The following GSE1 variants were observed in gnomAD, a reference collection of about 807,000 sequenced individuals.
GSE1 encodes the protein Gse1 coiled-coil protein.
Under a neutral mutation model 112.6 loss-of-function variants are expected in GSE1, and 32 were observed. The ratio of observed to expected loss-of-function variants is 0.28; its 90% CI spans 0.21 to 0.38. The LOEUF (loss-of-function observed/expected upper bound fraction) is 0.38, where lower values mean the gene tolerates loss of function less well. Among genes scored for constraint, GSE1 ranks in the 10% least tolerant of loss-of-function variants. GSE1 has a pLI of 1.00. For synonymous variants in GSE1, 1,115 were observed against 735.6 expected (o/e 1.52, Z -8.35); for missense variants, 2,348 against 1,699.2 (o/e 1.38, Z -6.71).
At chr16:85,619,253 A>G (rs996980363) in intron 1 of GSE1, among the ~76,000 whole-genome samples, 1 of 152,192 alleles carries the variant, frequency 6.6e-6, no homozygotes, top group Non-Finnish European at 1.5e-5. Context: ...TCCCTCCCCC[A>G]GCCCTGCCCT....
intron 1 of GSE1, among the ~76,000 whole-genome samples, chr16:85,256,660 C>A (rs889472676): frequency 6.6e-6 from 1 of 152,250 alleles, no homozygotes; most frequent in African/African-American, 2.4e-5. Flanking sequence ...CTGAACACAC[C>A]CACCAGCTCA....
Position 85,634,596 on chromosome 16 carries a change from C to G in GSE1, c.226+464C>G, listed in dbSNP as rs146744937. Among the ~76,000 whole-genome samples, 881 of 152,246 alleles carry G rather than the reference C, an allele frequency of 5.8e-3. 17 individuals carry two copies. Among genetic ancestry groups the G allele is most frequent in the African/African-American group, 0.02 (840 of 41,542 alleles). On this transcript the variant is annotated intron_variant, in intron 2 of 15. Transcript: ENST00000253458. ...ACACAGTGGTCTGGAGCGGGGGTCT[C>G]TGGCACAGCTGAACCCACCACTGCT...
At chr16:85,475,637 A>G (rs2050428642) in intron 2 of GSE1, among the ~76,000 whole-genome samples, 1 of 152,156 alleles carries the variant, frequency 6.6e-6, no homozygotes, top group African/African-American at 2.4e-5. Context: ...AAATCTAGTG[A>G]CAGGGCCTCT....
chr16:85,579,176 T>C (rs2046349371), intron 1 of GSE1, among the ~76,000 whole-genome samples: 1 of 151,598 alleles, frequency 6.6e-6, no homozygotes, highest in Non-Finnish European at 1.5e-5. Flanking sequence ...GGAACCCGAG[T>C]GGTTTAGGAG....
chr16:85,360,083 G>A (rs1345884454), intron 2 of GSE1, among the ~76,000 whole-genome samples: 1 of 151,864 alleles, frequency 6.6e-6, no homozygotes, highest in Middle Eastern at 3.2e-3. Flanking sequence ...TCAATTCAGG[G>A]GTTTTCAGAG....
Position 85,268,781 on chromosome 16 carries a change from A to G in GSE1, c.2284-88682A>G, listed in dbSNP as rs1908524449. 2.6e-5 allele frequency among the ~76,000 whole-genome samples: 4 copies of G among 152,320 alleles called. No homozygotes were observed. In the South Asian group the frequency reaches 8.3e-4, roughly 32 times the overall value. ...GGGGGCATTGGTTCCCTCTGTGCCC[A>G]GCCTCCTGGGTAAGAACCTGTGAGC... On this transcript the variant is annotated intron_variant, in intron 1 of 2. Transcript: ENST00000637419.
intron 14 of GSE1, 45 bp from the exon 15 acceptor site, chr16:85,670,950 G>C: frequency 1.6e-6 from 2 of 1,236,398 alleles, no homozygotes; most frequent in Non-Finnish European, 2.4e-6. Flanking sequence ...CGGGCCTTCG[G>C]GCTCCTGCAT....
chr16:85,553,808 C>T (rs901237117), upstream of GSE1, among the ~76,000 whole-genome samples: 5 of 152,196 alleles, frequency 3.3e-5, no homozygotes, highest in Non-Finnish European at 7.3e-5. Flanking sequence ...CTCCAATTTG[C>T]CCTCCGTAGC....
chr16:85,359,695 T>C lies in GSE1; in HGVS notation c.2464+2052T>C, dbSNP rs116826510. Among the ~76,000 whole-genome samples, 618 of 152,300 alleles carry C rather than the reference T, an allele frequency of 4.1e-3. 3 individuals carry two copies. Among genetic ancestry groups the C allele is most frequent in the African/African-American group, 0.014 (596 of 41,572 alleles). ...ACAGTGTCCTGCAGGCCAGAGAGGC[T>C]GAGCAATCTGCCTCCACTCACACAG... On this transcript the variant is annotated intron_variant, in intron 2 of 2. Transcript: ENST00000637419.
At chr16:85,350,907 G>C (rs376535567) in intron 1 of GSE1, among the ~76,000 whole-genome samples, 1 of 152,202 alleles carries the variant, frequency 6.6e-6, no homozygotes, top group Admixed American at 6.5e-5. Flanking sequence ...AGCCTCCCGA[G>C]TAGCTGGGAT....
chr16:85,332,677 G>C (rs2046400790), intron 1 of GSE1, among the ~76,000 whole-genome samples: 2 of 152,154 alleles, frequency 1.3e-5, no homozygotes, highest in Non-Finnish European at 2.9e-5. Context: ...GAGGGGACTG[G>C]ATGGTGTGAT....
chr16:85,553,002 GA>G (rs1375268423), upstream of GSE1, among the ~76,000 whole-genome samples: 1 of 152,152 alleles, frequency 6.6e-6, no homozygotes, highest in Non-Finnish European at 1.5e-5. Context: ...ACCAATATAA[GA>G]ATGACAACAG....
chr16:85,637,466 C>G (rs1365838463), intron 2 of GSE1, among the ~76,000 whole-genome samples: 2 of 152,008 alleles, frequency 1.3e-5, no homozygotes, highest in East Asian at 3.9e-4. Context: ...TGGCTGTGCC[C>G]CCTTGATTGC....
intron 1 of GSE1, among the ~76,000 whole-genome samples, chr16:85,620,338 G>A (rs1177368292): frequency 6.6e-6 from 1 of 152,230 alleles, no homozygotes; most frequent in African/African-American, 2.4e-5. Context: ...GTCTCGGGAT[G>A]TGAGTGGATT....
intron 1 of GSE1, among the ~76,000 whole-genome samples, chr16:85,240,422 C>T (rs1178663575): frequency 6.6e-6 from 1 of 152,252 alleles, no homozygotes; most frequent in African/African-American, 2.4e-5. Flanking sequence ...GGAGTGTCAG[C>T]ATCCGGCACT....
At chr16:85,436,876 G>A (rs897727788) in intron 2 of GSE1, among the ~76,000 whole-genome samples, 7 of 152,218 alleles carry the variant, frequency 4.6e-5, no homozygotes, top group African/African-American at 1.7e-4. Flanking sequence ...CCCACGCAGT[G>A]GGCGGCCCGG....
intron 1 of GSE1, among the ~76,000 whole-genome samples, chr16:85,586,628 C>T (rs545223229): frequency 5.9e-5 from 9 of 152,344 alleles, no homozygotes; most frequent in East Asian, 1.9e-4. Context: ...ACGGGCCCGA[C>T]GCCGGCCCCC....
At chr16:85,284,476 C>T (rs569827462) in intron 1 of GSE1, among the ~76,000 whole-genome samples, 21 of 152,202 alleles carry the variant, frequency 1.4e-4, no homozygotes, top group African/African-American at 1.7e-4. Flanking sequence ...GAGCTCCAAG[C>T]GGCACAAACT....
chr16:85,544,650 T>A (rs1025787516), intron 2 of GSE1, among the ~76,000 whole-genome samples: 1 of 152,194 alleles, frequency 6.6e-6, no homozygotes, highest in African/African-American at 2.4e-5. Context: ...GAGGGCTACA[T>A]GGACCTGAAC....
Sources: gnomAD v4.1 joint callset for allele counts (sites outside exome capture counted in the v4.1 genomes callset) on GRCh38, gnomAD v4.1.1 for gene constraint, MANE v1.5 for transcripts, NCBI Gene and HGNC (gene_info 2026-07-23, HGNC 2026-07-21) for gene names.